FLVCR1: variants seen among roughly 807,000 people sequenced by gnomAD.
FLVCR1 encodes FLVCR choline and heme transporter 1.
FLVCR1 carries 34 observed loss-of-function variants against 53.6 expected under a neutral mutation model. The ratio of observed to expected loss-of-function variants is 0.63; its 90% confidence interval spans 0.48 to 0.84. FLVCR1 has a LOEUF of 0.84. Among genes scored for constraint, FLVCR1 ranks in the 40% least tolerant of loss-of-function variants. The pLI is 0.00. For synonymous variants in FLVCR1, 300 were observed against 286.3 expected (o/e 1.05, Z -0.48); for missense variants, 677 against 696.7 (o/e 0.97, Z 0.32).
chr1:212,869,644 A>T (rs1438880410), intron 2 of FLVCR1, among the ~76,000 whole-genome samples: 1 of 152,196 alleles, frequency 6.6e-6, no homozygotes, highest in Non-Finnish European at 1.5e-5. Context: ...CCTGGGTTCA[A>T]GTGATTCTCC....
chr1:212,874,877 C>A (rs1281268055), intron 3 of FLVCR1, among the ~76,000 whole-genome samples: 1 of 151,508 alleles, frequency 6.6e-6, no homozygotes, highest in Non-Finnish European at 1.5e-5. Context: ...ATACAAAATT[C>A]TCTTTCAGCC....
intron 3 of FLVCR1, among the ~76,000 whole-genome samples, chr1:212,880,993 T>G (rs1468358178): frequency 6.6e-6 from 1 of 152,176 alleles, no homozygotes; most frequent in Non-Finnish European, 1.5e-5. Flanking sequence ...AATGTCACCT[T>G]TGCTTATATT....
intron 2 of FLVCR1, among the ~76,000 whole-genome samples, chr1:212,866,151 A>C (rs1305302104): frequency 6.6e-6 from 1 of 151,912 alleles, no homozygotes; most frequent in East Asian, 1.9e-4. Context: ...TGCCTGGCTA[A>C]TTTTTGTATT....
chr1:212,883,804 G>C (rs916869619), intron 4 of FLVCR1, among the ~76,000 whole-genome samples: 1 of 151,014 alleles, frequency 6.6e-6, no homozygotes, highest in African/African-American at 2.4e-5. Flanking sequence ...AAACAAAGGG[G>C]ACTGGGCCCC....
At chr1:212,864,344 G>A (rs1664345647) in intron 2 of FLVCR1, 1 of 194,314 alleles carries the variant, frequency 5.1e-6, no homozygotes, top group South Asian at 9.1e-5. Flanking sequence ...CTGGGCAGCA[G>A]CAAGCTGTTC....
chr1:212,878,385 C>A (rs1350131205), intron 3 of FLVCR1, among the ~76,000 whole-genome samples: 1 of 151,728 alleles, frequency 6.6e-6, no homozygotes, highest in Non-Finnish European at 1.5e-5. Flanking sequence ...GCCTGTAGTC[C>A]CAGCTACTCG....
intron 2 of FLVCR1, among the ~76,000 whole-genome samples, chr1:212,866,489 T>TAA (rs200130655): frequency 1.2e-4 from 18 of 150,996 alleles, no homozygotes; most frequent in South Asian, 8.4e-4. Context: ...TTTTTTTTTT[T>TAA]AAATCCTCTT....
At chr1:212,881,712 T>C (rs1664936358) in intron 3 of FLVCR1, among the ~76,000 whole-genome samples, 2 of 152,128 alleles carry the variant, frequency 1.3e-5, no homozygotes, top group South Asian at 2.1e-4. Context: ...TATTGATAAA[T>C]ATGATTATAT....
intron 3 of FLVCR1, among the ~76,000 whole-genome samples, chr1:212,876,250 T>G (rs1664749420): frequency 6.6e-6 from 1 of 152,166 alleles, no homozygotes; most frequent in Non-Finnish European, 1.5e-5. Context: ...TGTGTTCTCA[T>G]CATTCCGCTC....
chr1:212,873,780 A>G (rs1485307325), intron 3 of FLVCR1, among the ~76,000 whole-genome samples: 4 of 152,242 alleles, frequency 2.6e-5, no homozygotes, highest in African/African-American at 9.6e-5. Flanking sequence ...TTTTGGGGAA[A>G]CACACTCTAG....
At position 212,895,030 on chromosome 1, in the gene FLVCR1, A is replaced by G; in HGVS notation, c.1570A>G (p.Ile524Val). 6.3e-7 allele frequency: 1 copy of G among 1,592,648 alleles called. No homozygotes were observed. Among genetic ancestry groups the G allele is most frequent in the South Asian group, 1.1e-5 (1 of 90,622 alleles). Residue 524 changes from isoleucine (I) to valine (V), a missense_variant, in exon 9 of 10, where the codon ATT becomes GTT. Physicochemically the swap from Ile to Val is conservative, Grantham distance 29 (BLOSUM62 3). Transcript: ENST00000366971. ...DLRRHNINIG[I>V]TNVDVKAIPA... ...GCGAAGACACAACATAAATATAGGA[A>G]TTACAAATGTTGATGTTAAAGCTGT...
chr1:212,867,804 CTTTTT>C (rs34803914), intron 2 of FLVCR1, among the ~76,000 whole-genome samples: 2 of 122,992 alleles, frequency 1.6e-5, no homozygotes, highest in Non-Finnish European at 1.8e-5. Context: ...CATAATTTTA[CTTTTT>C]TTTTTTTTTT....
chr1:212,889,642 C>T (rs1255791222), intron 8 of FLVCR1, among the ~76,000 whole-genome samples: 1 of 151,292 alleles, frequency 6.6e-6, no homozygotes, highest in Non-Finnish European at 1.5e-5. Context: ...CGTGTAGCCC[C>T]AGCTACTTGG....
intron 3 of FLVCR1, among the ~76,000 whole-genome samples, chr1:212,878,260 T>C (rs949895870): frequency 6.6e-6 from 1 of 152,070 alleles, no homozygotes; most frequent in African/African-American, 2.4e-5. Context: ...CCAAGAACTT[T>C]GGGAGGCCGA....
Position 212,898,493 on chromosome 1 carries a change from A to G in FLVCR1, c.*3203A>G, listed in dbSNP as rs1453989614. The G allele has an allele frequency of 2.0e-5, 3 of 152,240 alleles. No individual in the cohort carries two copies. Among genetic ancestry groups the G allele is most frequent in the African/African-American group, 7.2e-5 (3 of 41,464 alleles). The allele number at this position is 152,240 out of a possible 1,614,324, so 9.4% of individuals were successfully genotyped here. A position where few individuals can be genotyped will look rare whatever the true frequency, so the allele number is the denominator to read the frequency against. On this transcript the variant is annotated 3_prime_UTR_variant, in exon 10 of 10. Transcript: ENST00000366971. ...GTTGAGTTCCTGAGGTTTGGAACAAATTACACATAAAATTTAGAATACTTT... is the reference window on the plus strand; with the variant it reads ...GTTGAGTTCCTGAGGTTTGGAACAAGTTACACATAAAATTTAGAATACTTT...
Position 212,895,367 on chromosome 1 carries a change from G to T in FLVCR1, c.*77G>T. 2 of 1,122,026 alleles carry T rather than the reference G, an allele frequency of 1.8e-6. No homozygotes were observed. Among genetic ancestry groups the T allele is most frequent in the Non-Finnish European group, 2.7e-6 (2 of 733,050 alleles). 69.5% of individuals were successfully genotyped at this position (1,122,026 alleles called of 1,614,324 possible). ...CTTGGAGAGAGATGTGAGCACCAAG[G>T]CTGGGTTTGTATGTGGTGGGGGAAT... On this transcript the variant is annotated 3_prime_UTR_variant, in exon 10 of 10. Transcript: ENST00000366971.
chr1:212,871,743 T>G (rs904197029), intron 2 of FLVCR1, among the ~76,000 whole-genome samples: 7 of 152,330 alleles, frequency 4.6e-5, no homozygotes, highest in Admixed American at 2.6e-4. Flanking sequence ...CTAGTCATCT[T>G]TTATGGAAAG....
intron 2 of FLVCR1, among the ~76,000 whole-genome samples, chr1:212,870,971 T>C (rs950981739): frequency 6.6e-6 from 1 of 152,186 alleles, no homozygotes; most frequent in East Asian, 1.9e-4. Flanking sequence ...GGTTTCACCA[T>C]GTTGGCCAGG....
intron 3 of FLVCR1, among the ~76,000 whole-genome samples, chr1:212,876,177 C>T (rs1664747349): frequency 6.6e-6 from 1 of 152,024 alleles, no homozygotes; most frequent in Non-Finnish European, 1.5e-5. Flanking sequence ...TGATGCTCTT[C>T]CTCCCCCAAA....
Sources: allele counts gnomAD v4.1 joint callset (sites outside exome capture counted in the v4.1 genomes callset), GRCh38; gene constraint gnomAD v4.1.1; transcripts MANE v1.5; gene names NCBI Gene and HGNC (gene_info 2026-07-23, HGNC 2026-07-21).